Variants in RARB observed in about 807,000 individuals in gnomAD.
RARB encodes the protein HBV-activated protein.
A neutral mutation model predicts 51.9 loss-of-function variants in RARB; 17 were observed. The ratio of observed to expected loss-of-function variants is 0.33; its 90% CI spans 0.22 to 0.49. The LOEUF is 0.49. RARB is among the 20% of genes least tolerant of loss of function. RARB has a pLI of 0.99. For synonymous variants in RARB, 215 were observed against 195.4 expected (o/e 1.10, Z -0.84); for missense variants, 369 against 550.8 (o/e 0.67, Z 3.30).
intron 5 of RARB, among the ~76,000 whole-genome samples, chr3:25,261,158 T>C (rs1702987880): frequency 6.6e-6 from 1 of 152,160 alleles, no homozygotes; most frequent in Non-Finnish European, 1.5e-5. Context: ...ATTTAGCACA[T>C]AATGAATACT....
intron 1 of RARB, among the ~76,000 whole-genome samples, chr3:25,442,566 T>C (rs1708746631): frequency 6.6e-6 from 1 of 152,220 alleles, no homozygotes; most frequent in Non-Finnish European, 1.5e-5. Context: ...CTTTATTTCC[T>C]TTTTCCCTTC....
At chr3:25,468,841 GCT>G (rs1207217050) in intron 2 of RARB, among the ~76,000 whole-genome samples, 3 of 152,208 alleles carry the variant, frequency 2.0e-5, no homozygotes, top group Non-Finnish European at 4.4e-5. Flanking sequence ...CTTTGTCCTT[GCT>G]CTCTACATTT....
chr3:25,156,516 CAAAAAAAAAAAAAAAA>C (rs35710364), intron 4 of RARB, among the ~76,000 whole-genome samples: 1 of 56,812 alleles, frequency 1.8e-5, no homozygotes, highest in Non-Finnish European at 3.0e-5. Flanking sequence ...GCCCCAACTG[CAAAAAAAAAAAAAAAA>C]AAAAAAAAAA....
chr3:24,941,281 A>G (rs924101676), intron 2 of RARB, among the ~76,000 whole-genome samples: 3 of 152,116 alleles, frequency 2.0e-5, no homozygotes, highest in Admixed American at 6.5e-5. Flanking sequence ...TGGGTTGACA[A>G]TTTTTACTAC....
chr3:24,839,722 G>GAA (rs1559368318), intron 1 of RARB, among the ~76,000 whole-genome samples: 31 of 25,472 alleles, frequency 1.2e-3, no homozygotes, highest in Middle Eastern at 0.02. Flanking sequence ...AAAAAAAAGG[G>GAA]GGGGGGGGTG....
intron 3 of RARB, among the ~76,000 whole-genome samples, chr3:25,124,378 A>G (rs989064505): frequency 6.6e-6 from 1 of 152,308 alleles, no homozygotes; most frequent in Admixed American, 6.5e-5. Context: ...TCTCAAAAAG[A>G]AAGAAATTGT....
chr3:25,560,931 C>T (rs1286728), intron 3 of RARB, among the ~76,000 whole-genome samples: 35,724 of 151,966 alleles, frequency 0.24, 4,745 homozygotes, highest in African/African-American at 0.36. Flanking sequence ...TATAGGGCTC[C>T]CACTATTTTT....
chr3:25,213,944 A>G (rs535410679), intron 5 of RARB, among the ~76,000 whole-genome samples: 2 of 152,344 alleles, frequency 1.3e-5, no homozygotes, highest in South Asian at 4.1e-4. Context: ...ATTTTGTTAT[A>G]TATTTCTAGA....
At chr3:25,429,659 C>T (rs186656219) in intron 1 of RARB, among the ~76,000 whole-genome samples, 5 of 152,028 alleles carry the variant, frequency 3.3e-5, no homozygotes, top group African/African-American at 1.2e-4. Context: ...GTGGGGTAGC[C>T]CAATTTAAAA....
intron 5 of RARB, among the ~76,000 whole-genome samples, chr3:25,339,322 G>T (rs997112695): frequency 3.9e-5 from 6 of 152,168 alleles, no homozygotes; most frequent in Admixed American, 6.5e-5. Context: ...CCTCACTTGT[G>T]CCAGTCACTG....
intron 3 of RARB, among the ~76,000 whole-genome samples, chr3:25,568,786 C>T (rs1277415802): frequency 6.6e-6 from 1 of 152,232 alleles, no homozygotes; most frequent in Non-Finnish European, 1.5e-5. Context: ...AGCCTGGCAC[C>T]CGCTGGGCCC....
At position 25,174,527 on chromosome 3, in the gene RARB, C is replaced by G. The variant is rs759370316; in HGVS notation, c.130C>G (p.Leu44Val). 1.6e-5 allele frequency: 21 copies of G among 1,352,026 alleles called. No individual in the cohort carries two copies. Among genetic ancestry groups the G allele is most frequent in the African/African-American group, 3.0e-5 (2 of 67,764 alleles). The allele number at this position is 1,352,026 out of a possible 1,614,324, so 83.8% of individuals were successfully genotyped here. A position where few individuals can be genotyped will look rare whatever the true frequency, so the allele number is the denominator to read the frequency against. The stretch of plus-strand genomic sequence containing the variant: ...ACTTTCCCTGCCTCCCCTCCATGGC[C>G]TTCATGGACATCCGCCTCCGAGTGG... The change falls in exon 5 of 12, where the codon CTT (leucine) becomes GTT (valine). Residue 44 changes from leucine to valine, a missense_variant. By Grantham distance (32) the Leu-to-Val change is conservative. Coordinates refer to the RARB transcript ENST00000383772.
chr3:25,445,279 A>G (rs1460248701), intron 1 of RARB, among the ~76,000 whole-genome samples: 1 of 152,180 alleles, frequency 6.6e-6, no homozygotes, highest in Non-Finnish European at 1.5e-5. Context: ...CAAGGTTAAC[A>G]TGGCCTAATT....
intron 5 of RARB, among the ~76,000 whole-genome samples, chr3:25,241,125 A>G (rs1343756703): frequency 1.3e-5 from 2 of 152,266 alleles, no homozygotes; most frequent in East Asian, 1.9e-4. Flanking sequence ...ATAGTTGTTC[A>G]TAATAGTCTC....
At chr3:25,067,925 T>C (rs540412251) in intron 3 of RARB, among the ~76,000 whole-genome samples, 2 of 151,552 alleles carry the variant, frequency 1.3e-5, no homozygotes, top group East Asian at 3.9e-4. Flanking sequence ...TCACTCGAGG[T>C]CAGGAGTTTG....
At chr3:25,195,992 C>T (rs533344984) in intron 5 of RARB, among the ~76,000 whole-genome samples, 2 of 151,994 alleles carry the variant, frequency 1.3e-5, no homozygotes, top group East Asian at 3.9e-4. Context: ...TGTTCCTCTG[C>T]TTCGAGTCAT....
intron 2 of RARB, among the ~76,000 whole-genome samples, chr3:24,976,159 T>G (rs1696507698): frequency 6.6e-6 from 1 of 152,262 alleles, no homozygotes; most frequent in Admixed American, 6.5e-5. Context: ...TTTCTTAATC[T>G]AGTCTATTAT....
intron 2 of RARB, among the ~76,000 whole-genome samples, chr3:24,951,526 T>G (rs763899461): frequency 1.2e-4 from 18 of 152,196 alleles, no homozygotes; most frequent in Non-Finnish European, 2.5e-4. Flanking sequence ...GTCATAAGAT[T>G]GGTGTTCCTA....
chr3:24,892,827 C>T (rs547804586), intron 2 of RARB, among the ~76,000 whole-genome samples: 3 of 152,256 alleles, frequency 2.0e-5, no homozygotes, highest in East Asian at 3.9e-4. Context: ...CAGTTGATGA[C>T]CTAACATAAT....
Sources: gnomAD v4.1 joint callset for allele counts (sites outside exome capture counted in the v4.1 genomes callset) on GRCh38, gnomAD v4.1.1 for gene constraint, MANE v1.5 for transcripts, NCBI Gene and HGNC (gene_info 2026-07-23, HGNC 2026-07-21) for gene names.